GRIK1: variants seen among roughly 807,000 people sequenced by gnomAD.
GRIK1 encodes glutamate ionotropic receptor kainate type subunit 1.
In GRIK1, 69 loss-of-function variants were observed where a neutral mutation model predicts 105.7. That is an observed-to-expected ratio of 0.65 (90% confidence interval 0.54 to 0.80). The LOEUF (loss-of-function observed/expected upper bound fraction) is 0.80, where lower values mean the gene tolerates loss of function less well. GRIK1 is among the 30% of genes least tolerant of loss of function. The pLI is 0.00. For synonymous variants in GRIK1, 438 were observed against 431.3 expected, an observed-to-expected ratio of 1.02 and a Z score of -0.19; for missense variants, 1,109 against 1,167.3, an observed-to-expected ratio of 0.95 and a Z score of 0.73.
At chr21:29,630,375 A>T (rs984339341) in intron 7 of GRIK1, among the ~76,000 whole-genome samples, 5 of 152,134 alleles carry the variant, frequency 3.3e-5, no homozygotes, top group Non-Finnish European at 7.4e-5. Context: ...TGATTATGGC[A>T]AAGGGAAAGG....
chr21:29,763,136 G>T (rs972586799), intron 1 of GRIK1, among the ~76,000 whole-genome samples: 6 of 152,136 alleles, frequency 3.9e-5, no homozygotes, highest in African/African-American at 7.2e-5. Context: ...GGATCTGGTG[G>T]GAAGTGACTG....
At chr21:29,893,296 C>T (rs77376178) in intron 1 of GRIK1, among the ~76,000 whole-genome samples, 2,612 of 152,176 alleles carry the variant, frequency 0.017, 34 homozygotes, top group African/African-American at 0.04. Context: ...TTGATTTTCT[C>T]GGTTTCTTCA....
At chr21:29,935,317 G>A (rs2071710670) in intron 1 of GRIK1, among the ~76,000 whole-genome samples, 1 of 152,192 alleles carries the variant, frequency 6.6e-6, no homozygotes, top group Admixed American at 6.5e-5. Context: ...TTGCCAGAAT[G>A]CAAACCTCAA....
intron 1 of GRIK1, among the ~76,000 whole-genome samples, chr21:29,695,481 T>TATAC (rs1315272148): frequency 1.4e-4 from 21 of 147,544 alleles, no homozygotes; most frequent in Non-Finnish European, 2.5e-4. Context: ...TCTATCTATA[T>TATAC]ATATATATTT....
intron 1 of GRIK1, among the ~76,000 whole-genome samples, chr21:29,781,702 C>T (rs1292776561): frequency 3.1e-5 from 2 of 65,252 alleles, no homozygotes; most frequent in African/African-American, 3.9e-5. Context: ...CTCGCTCTGT[C>T]GCCCAGGCCG....
At chr21:29,702,307 T>TA (rs1289181840) in intron 1 of GRIK1, among the ~76,000 whole-genome samples, 116 of 152,188 alleles carry the variant, frequency 7.6e-4, no homozygotes, top group Non-Finnish European at 1.5e-3. Flanking sequence ...GAAGTTTTTT[T>TA]TAAAAAAAAG....
At chr21:29,805,074 G>T (rs1187811335) in intron 1 of GRIK1, among the ~76,000 whole-genome samples, 1 of 151,958 alleles carries the variant, frequency 6.6e-6, no homozygotes, top group Non-Finnish European at 1.5e-5. Flanking sequence ...GATTTTGTGG[G>T]GATATGCAGC....
chr21:29,873,425 T>C (rs2069087523), intron 1 of GRIK1, among the ~76,000 whole-genome samples: 1 of 152,192 alleles, frequency 6.6e-6, no homozygotes, highest in African/African-American at 2.4e-5. Context: ...TTAACAGGGG[T>C]GTAAACTTGG....
intron 7 of GRIK1, among the ~76,000 whole-genome samples, chr21:29,609,574 G>A (rs1568881885): frequency 6.6e-6 from 1 of 152,146 alleles, no homozygotes; most frequent in Non-Finnish European, 1.5e-5. Flanking sequence ...GCTGTGGTTG[G>A]GCATCATCCA....
chr21:29,677,814 G>A (rs1375289269), intron 3 of GRIK1, among the ~76,000 whole-genome samples: 1 of 152,180 alleles, frequency 6.6e-6, no homozygotes, highest in East Asian at 1.9e-4. Flanking sequence ...GATCGGCCCT[G>A]AAAATGGGTC....
At chr21:29,774,886 C>T (rs373587831) in intron 1 of GRIK1, among the ~76,000 whole-genome samples, 4 of 152,142 alleles carry the variant, frequency 2.6e-5, no homozygotes, top group African/African-American at 9.7e-5. Context: ...CTGTTGCTGT[C>T]TTGAACTTCT....
intron 1 of GRIK1, among the ~76,000 whole-genome samples, chr21:29,739,816 C>T (rs1280482527): frequency 6.6e-6 from 1 of 152,192 alleles, no homozygotes; most frequent in East Asian, 1.9e-4. Context: ...TTTCCACCAA[C>T]ATCCATTTAA....
Position 29,689,749 on chromosome 21 carries a change from C to T in GRIK1, c.523G>A (p.Val175Met), listed in dbSNP as rs1044952678. 5.0e-6 allele frequency: 8 copies of T among 1,613,938 alleles called. No homozygotes were observed. Among genetic ancestry groups the T allele is most frequent in the African/African-American group, 1.3e-5 (1 of 75,022 alleles). ...ATACCTGTGCTGTCTTCATACACCA[C>T]TGTCACTGTTTTCCAGTTGTAATAG... The part of the protein sequence containing the change: ...VLYYNWKTVT[V>M]VYEDSTGLIR... Residue 175 changes from valine to methionine, a missense_variant, in exon 3 of 18, where the codon GTG becomes ATG. This residue lies in a region of GRIK1 where 612 missense variants were observed against 586.0 expected (regional missense o/e 1.04). Coordinates refer to ENST00000327783, the MANE Select transcript of GRIK1 (RefSeq NM_001330994.2).
chr21:29,540,109 G>A (rs1446842887), intron 16 of GRIK1, among the ~76,000 whole-genome samples: 1 of 152,162 alleles, frequency 6.6e-6, no homozygotes, highest in Non-Finnish European at 1.5e-5. Flanking sequence ...CACACACAGA[G>A]GAAGGTCTCA....
chr21:29,600,093 AC>A (rs1340070534), intron 7 of GRIK1, among the ~76,000 whole-genome samples: 1 of 152,148 alleles, frequency 6.6e-6, no homozygotes, highest in East Asian at 1.9e-4. Context: ...TAAAACAAAA[AC>A]AAAAACAAAA....
intron 1 of GRIK1, among the ~76,000 whole-genome samples, chr21:29,739,588 G>A (rs958931667): frequency 4.6e-5 from 7 of 152,158 alleles, no homozygotes; most frequent in Non-Finnish European, 4.4e-5. Flanking sequence ...AAGGAACATC[G>A]TGCATTCATT....
intron 1 of GRIK1, among the ~76,000 whole-genome samples, chr21:29,810,556 G>GCTGAT (rs1352097836): frequency 1.3e-5 from 2 of 152,068 alleles, no homozygotes. Flanking sequence ...TTTAAACTCA[G>GCTGAT]CTGATCTTGT....
chr21:29,577,696 A>G (rs879638355), intron 13 of GRIK1, among the ~76,000 whole-genome samples: 1 of 152,254 alleles, frequency 6.6e-6, no homozygotes, highest in Non-Finnish European at 1.5e-5. Flanking sequence ...AGATGCAGCC[A>G]TACTTGACAG....
chr21:29,603,012 G>A (rs363456), intron 7 of GRIK1, among the ~76,000 whole-genome samples: 28,285 of 151,938 alleles, frequency 0.19, 3,284 homozygotes, highest in African/African-American at 0.34. Flanking sequence ...TGAACACAGG[G>A]ATAGCACAAT....
Sources: gnomAD v4.1 joint callset for allele counts (sites outside exome capture counted in the v4.1 genomes callset) on GRCh38, gnomAD v4.1.1 for gene constraint, gnomAD v4.1.1 regional missense constraint, MANE v1.5 for transcripts, NCBI Gene and HGNC (gene_info 2026-07-23, HGNC 2026-07-21) for gene names.